Variants in UXS1 observed in about 807,000 individuals in gnomAD.
UXS1 encodes the protein UDP-glucuronate decarboxylase 1.
In UXS1, 33 loss-of-function variants were observed where a neutral mutation model predicts 62.6. The observed-to-expected ratio is 0.53, with a 90% CI of 0.40 to 0.70. The LOEUF (loss-of-function observed/expected upper bound fraction) is 0.70, where lower values mean the gene tolerates loss of function less well. Among genes scored for constraint, UXS1 ranks in the 30% least tolerant of loss-of-function variants. The probability of loss-of-function intolerance (pLI) is 0.00; values close to 1 mark genes in which losing one functional copy is unlikely to be tolerated. For synonymous variants in UXS1, 213 were observed against 206.8 expected (o/e 1.03, Z -0.26); for missense variants, 434 against 556.3 (o/e 0.78, Z 2.21).
chr2:106,111,167 G>C (rs1217234664), intron 10 of UXS1, among the ~76,000 whole-genome samples: 1 of 152,232 alleles, frequency 6.6e-6, no homozygotes, highest in African/African-American at 2.4e-5. Flanking sequence ...GCAATAAATA[G>C]GGGTGGGGCG....
chr2:106,117,836 A>T (rs1679182101), intron 9 of UXS1, among the ~76,000 whole-genome samples: 1 of 152,244 alleles, frequency 6.6e-6, no homozygotes, highest in South Asian at 2.1e-4. Flanking sequence ...CCTGTGGATA[A>T]AACTAAGGCG....
At chr2:106,122,355 G>T (rs1679591239) in intron 9 of UXS1, among the ~76,000 whole-genome samples, 1 of 152,184 alleles carries the variant, frequency 6.6e-6, no homozygotes, top group Non-Finnish European at 1.5e-5. Flanking sequence ...GGGCAGGGCA[G>T]GCTTCACAAA....
intron 7 of UXS1, 21 bp from the exon 8 acceptor site, chr2:106,125,700 A>G: frequency 1.3e-6 from 2 of 1,553,552 alleles, no homozygotes; most frequent in African/African-American, 1.4e-5. Context: ...CAATGACATG[A>G]TAAAAGAGAC....
intron 7 of UXS1, 78 bp from the exon 8 acceptor site, chr2:106,125,757 T>A: frequency 7.9e-7 from 1 of 1,267,608 alleles, no homozygotes; most frequent in East Asian, 2.6e-5. Context: ...ATTTAAGCAA[T>A]GTTTTAGTAT....
At chr2:106,170,513 TCTTG>T (rs1387304965) in intron 1 of UXS1, among the ~76,000 whole-genome samples, 1 of 152,210 alleles carries the variant, frequency 6.6e-6, no homozygotes, top group Non-Finnish European at 1.5e-5. Context: ...TACATTTATC[TCTTG>T]CTTATTACTT....
intron 1 of UXS1, chr2:106,166,433 G>T: frequency 5.5e-6 from 1 of 181,816 alleles, no homozygotes; most frequent in Non-Finnish European, 1.1e-5. Context: ...ATAAGCTACT[G>T]ATTGGCCATA....
At chr2:106,126,351 A>AC (rs1037674831) in intron 7 of UXS1, among the ~76,000 whole-genome samples, 1 of 151,138 alleles carries the variant, frequency 6.6e-6, no homozygotes. Context: ...GGATCCAAGA[A>AC]CCCCCCTGAC....
chr2:106,149,747 GA>G (rs772970874), intron 5 of UXS1, among the ~76,000 whole-genome samples: 3 of 152,164 alleles, frequency 2.0e-5, no homozygotes, highest in Non-Finnish European at 4.4e-5. Flanking sequence ...TGAAAATGTG[GA>G]AAAAGCTTTG....
intron 11 of UXS1, chr2:106,102,681 G>A (rs966594659): frequency 6.6e-6 from 1 of 152,152 alleles, no homozygotes; most frequent in Non-Finnish European, 1.5e-5. Flanking sequence ...GCAATCATGG[G>A]TTTGGGGAAT....
chr2:106,129,668 A>G lies in UXS1; in HGVS notation c.577+6T>C, dbSNP rs1448056792. 6.2e-7 allele frequency: 1 copy of G among 1,601,650 alleles called. No homozygotes were observed. Among genetic ancestry groups the G allele is most frequent in the South Asian group, 1.1e-5 (1 of 89,368 alleles). On this transcript the variant is annotated splice_donor_region_variant and intron_variant, in intron 7 of 14. Transcript: ENST00000283148. ...CAGCCAAAAAAACAAGAAAATGACA[A>G]CTTACCCAACATGTTTAATGTCCCA...
At chr2:106,102,634 C>G (rs778991858) in intron 11 of UXS1, 3 of 152,144 alleles carry the variant, frequency 2.0e-5, no homozygotes, top group Non-Finnish European at 2.9e-5. Flanking sequence ...TGCGGATGGC[C>G]ACCTAGACCT....
At chr2:106,149,770 T>C (rs549775284) in intron 5 of UXS1, among the ~76,000 whole-genome samples, 1 of 152,246 alleles carries the variant, frequency 6.6e-6, no homozygotes, top group Middle Eastern at 3.4e-3. Context: ...AACTAGGTAA[T>C]GAGTAGAGGC....
chr2:106,176,333 G>A (rs1683878041), intron 1 of UXS1, among the ~76,000 whole-genome samples: 2 of 152,216 alleles, frequency 1.3e-5, no homozygotes, highest in Admixed American at 1.3e-4. Context: ...TGGCACAACT[G>A]AAATGTTTGC....
At chr2:106,104,723 CTG>C (rs1677904138) in intron 11 of UXS1, 69 bp downstream of exon 11, 1 of 1,562,266 alleles carries the variant, frequency 6.4e-7, no homozygotes, top group African/African-American at 1.4e-5. Context: ...AGACACTGAA[CTG>C]TCTGTCAAGT....
intron 10 of UXS1, among the ~76,000 whole-genome samples, chr2:106,108,852 G>A (rs942875710): frequency 6.6e-6 from 1 of 152,112 alleles, no homozygotes; most frequent in Non-Finnish European, 1.5e-5. Context: ...GTTCAGCCTC[G>A]AGTACCTTCT....
chr2:106,180,993 G>A (rs1684205718), intron 1 of UXS1, among the ~76,000 whole-genome samples: 1 of 152,196 alleles, frequency 6.6e-6, no homozygotes, highest in Admixed American at 6.5e-5. Context: ...AATGGAAAAT[G>A]AAATATACTT....
intron 3 of UXS1, 73 bp downstream of exon 3, chr2:106,164,663 A>G (rs1017064598): frequency 9.0e-5 from 107 of 1,182,652 alleles, no homozygotes; most frequent in Non-Finnish European, 1.1e-4. Context: ...AATAAGAATG[A>G]CAGCACGAGC....
intron 9 of UXS1, among the ~76,000 whole-genome samples, chr2:106,119,547 A>G (rs1017436536): frequency 2.0e-5 from 3 of 152,214 alleles, no homozygotes; most frequent in Non-Finnish European, 4.4e-5. Flanking sequence ...CAACACCCAC[A>G]GCAGGCACGC....
intron 5 of UXS1, among the ~76,000 whole-genome samples, chr2:106,152,230 T>C (rs759338060): frequency 6.6e-6 from 1 of 152,164 alleles, no homozygotes; most frequent in African/African-American, 2.4e-5. Context: ...GGTGGACAGA[T>C]AGCCTGAGGT....
Sources: allele counts gnomAD v4.1 joint callset (sites outside exome capture counted in the v4.1 genomes callset), GRCh38; gene constraint gnomAD v4.1.1; transcripts MANE v1.5; gene names NCBI Gene and HGNC (gene_info 2026-07-23, HGNC 2026-07-21).